Variants in UBL3 observed in about 807,000 individuals in gnomAD.
UBL3 encodes ubiquitin like 3, also known as ubiquitin-like protein 3.
In UBL3, 6 loss-of-function variants were observed where a neutral mutation model predicts 18.4. The ratio of observed to expected loss-of-function variants is 0.33; its 90% confidence interval spans 0.18 to 0.64. The LOEUF (loss-of-function observed/expected upper bound fraction) is 0.64, where lower values mean the gene tolerates loss of function less well. UBL3 is among the 30% of genes least tolerant of loss of function. The pLI is 0.76. For missense variants in UBL3, 109 were observed against 142.9 expected (o/e 0.76, Z 1.21); for synonymous variants, 49 against 46.6 (o/e 1.05, Z -0.21).
chr13:29,832,629 C>G (rs985688924), intron 1 of UBL3, among the ~76,000 whole-genome samples: 2 of 152,130 alleles, frequency 1.3e-5, no homozygotes. Context: ...TAGAAATCCC[C>G]GGGCCATCAG....
At chr13:29,848,679 ACACT>A (rs1374664348) in intron 1 of UBL3, among the ~76,000 whole-genome samples, 1 of 152,180 alleles carries the variant, frequency 6.6e-6, no homozygotes, top group African/African-American at 2.4e-5. Context: ...ATGTAACTTC[ACACT>A]CACACAAGCC....
chr13:29,796,747 A>T (rs1013467405), intron 1 of UBL3, among the ~76,000 whole-genome samples: 1 of 152,202 alleles, frequency 6.6e-6, no homozygotes, highest in Non-Finnish European at 1.5e-5. Flanking sequence ...AAACGCTGAC[A>T]ATCTTTTAGG....
chr13:29,849,670 G>T lies in UBL3; in HGVS notation c.-132C>A. ...ATGTGCTTTCTCCCCCAAAAATAAAGTTATTTTGGAGCCAAAGTGCCGGTC... is the reference window on the plus strand; with the variant it reads ...ATGTGCTTTCTCCCCCAAAAATAAATTTATTTTGGAGCCAAAGTGCCGGTC... On this transcript the variant is annotated 5_prime_UTR_variant, in exon 1 of 5. Transcript: ENST00000380680. The T allele has an allele frequency of 1.6e-6, 2 of 1,229,958 alleles. No homozygotes were observed. Among genetic ancestry groups the T allele is most frequent in the Non-Finnish European group, 2.3e-6 (2 of 866,254 alleles). 76.2% of individuals were successfully genotyped at this position (1,229,958 alleles called of 1,614,324 possible).
In UBL3 at chr13:29,764,590, C is replaced by A. The variant is rs1876615063; in HGVS notation, c.*2665G>T. ...TACTGTATTTTTCCATGGTAAAATA[C>A]AACTTATCTTGAAGAGAAAGCAAAT... is the stretch of plus-strand genomic sequence containing the variant. On this transcript the variant is annotated 3_prime_UTR_variant, in exon 5 of 5. Coordinates refer to ENST00000380680, the MANE Select transcript of UBL3 (RefSeq NM_007106.4). 6.6e-6 allele frequency: 1 copy of A among 152,156 alleles called. No homozygotes were observed. Among genetic ancestry groups the A allele is most frequent in the East Asian group, 1.9e-4 (1 of 5,188 alleles). 9.4% of individuals were successfully genotyped at this position (152,156 alleles called of 1,614,324 possible).
At chr13:29,834,788 T>C (rs1878875985) in intron 1 of UBL3, among the ~76,000 whole-genome samples, 1 of 151,826 alleles carries the variant, frequency 6.6e-6, no homozygotes, top group African/African-American at 2.4e-5. Flanking sequence ...GTTAGAAAAG[T>C]AAAAACTCCA....
At chr13:29,784,445 G>A (rs1019389337) in intron 1 of UBL3, among the ~76,000 whole-genome samples, 2 of 151,918 alleles carry the variant, frequency 1.3e-5, no homozygotes, top group African/African-American at 4.8e-5. Flanking sequence ...CTTCCTTAGG[G>A]AAAACCATCA....
At chr13:29,791,977 T>C (rs967673362) in intron 1 of UBL3, among the ~76,000 whole-genome samples, 5 of 152,228 alleles carry the variant, frequency 3.3e-5, no homozygotes, top group African/African-American at 1.2e-4. Context: ...ATTATGCGTA[T>C]GTGGCTACAG....
At chr13:29,829,477 A>ACCCTC (rs1342085170) in intron 1 of UBL3, among the ~76,000 whole-genome samples, 1 of 152,108 alleles carries the variant, frequency 6.6e-6, no homozygotes, top group Non-Finnish European at 1.5e-5. Context: ...TGGGCGTGGG[A>ACCCTC]CCCTCCAAGC....
At chr13:29,818,914 T>G (rs1316907923) in intron 1 of UBL3, among the ~76,000 whole-genome samples, 1 of 152,214 alleles carries the variant, frequency 6.6e-6, no homozygotes, top group Admixed American at 6.5e-5. Context: ...GCTTTATATC[T>G]GTGTGTTTGA....
chr13:29,770,086 C>T (rs530285315), intron 3 of UBL3, among the ~76,000 whole-genome samples: 2 of 152,134 alleles, frequency 1.3e-5, no homozygotes, highest in African/African-American at 4.8e-5. Context: ...AAGTCTAATT[C>T]ACAGGGCTAT....
chr13:29,767,073 T>A lies in UBL3; in HGVS notation c.*182A>T. ...AAATACAAGAAATAAAAAATCAGAGTGAAAAATGTTCTTGGTTCTTTTTAC... is the reference window on the plus strand; with the variant it reads ...AAATACAAGAAATAAAAAATCAGAGAGAAAAATGTTCTTGGTTCTTTTTAC... On this transcript the variant is annotated 3_prime_UTR_variant, in exon 5 of 5. Coordinates refer to ENST00000380680, the MANE Select transcript of UBL3 (RefSeq NM_007106.4). The A allele has an allele frequency of 2.0e-6, 1 of 505,366 alleles. No individual in the cohort carries two copies. Among genetic ancestry groups the A allele is most frequent in the Non-Finnish European group, 3.3e-6 (1 of 303,666 alleles). 31.3% of individuals were successfully genotyped at this position (505,366 alleles called of 1,614,324 possible).
chr13:29,849,408 T>C, intron 1 of UBL3, 104 bp downstream of exon 1: 3 of 1,536,682 alleles, frequency 2.0e-6, no homozygotes, highest in East Asian at 2.3e-5. Flanking sequence ...ACAGTGGCTT[T>C]TCGACAGTCC....
chr13:29,772,088 T>A lies in UBL3; in HGVS notation c.223+24A>T, dbSNP rs2234415. 1,456 of 1,585,574 alleles carry A rather than the reference T, an allele frequency of 9.2e-4. 15 individuals are homozygous for A. The East Asian group carries it at 0.024, about 26-fold the overall frequency. ...ATGCTACCATGAGACAGACATTAAATCCCATTACAAAGGTGGCTGTTACCT... is the reference window on the plus strand; with the variant it reads ...ATGCTACCATGAGACAGACATTAAAACCCATTACAAAGGTGGCTGTTACCT... On this transcript the variant is annotated intron_variant, in intron 3 of 4. Transcript: ENST00000380680.
intron 1 of UBL3, among the ~76,000 whole-genome samples, chr13:29,787,136 T>C (rs181141491): frequency 8.2e-4 from 125 of 152,276 alleles, no homozygotes; most frequent in African/African-American, 2.8e-3. Flanking sequence ...TGAACAGGAA[T>C]AGTTAATTAG....
intron 1 of UBL3, among the ~76,000 whole-genome samples, chr13:29,849,053 C>T (rs1879300973): frequency 6.6e-6 from 1 of 152,212 alleles, no homozygotes; most frequent in Admixed American, 6.5e-5. Flanking sequence ...AAGAGATGTG[C>T]ATCCCTGTTC....
Position 29,765,547 on chromosome 13 carries a change from C to T in UBL3, c.*1708G>A, listed in dbSNP as rs1876654090. On this transcript the variant is annotated 3_prime_UTR_variant, in exon 5 of 5. Transcript: ENST00000380680. ...AAGCTTAAGAAATGAAAGTAGAAAA[C>T]ATGAATGAGACGGTGCTTAAACAAT... 1 of 152,318 alleles carries T rather than the reference C, an allele frequency of 6.6e-6. No homozygotes were observed. Among genetic ancestry groups the T allele is most frequent in the Non-Finnish European group, 1.5e-5 (1 of 67,930 alleles). 9.4% of individuals were successfully genotyped at this position (152,318 alleles called of 1,614,324 possible). A position where few individuals can be genotyped will look rare whatever the true frequency, so the allele number is the denominator to read the frequency against.
At chr13:29,769,030 T>C (rs1309655395) in intron 3 of UBL3, among the ~76,000 whole-genome samples, 1 of 152,114 alleles carries the variant, frequency 6.6e-6, no homozygotes, top group Non-Finnish European at 1.5e-5. Flanking sequence ...TCTAAGCTTC[T>C]GTTTCCTCAA....
intron 1 of UBL3, among the ~76,000 whole-genome samples, chr13:29,814,743 G>A (rs997455980): frequency 1.3e-5 from 2 of 152,104 alleles, no homozygotes; most frequent in Non-Finnish European, 2.9e-5. Context: ...AATATGATTG[G>A]CCATGTGTGG....
chr13:29,842,449 G>A (rs780054923), intron 1 of UBL3, among the ~76,000 whole-genome samples: 7 of 151,940 alleles, frequency 4.6e-5, no homozygotes, highest in South Asian at 2.1e-4. Context: ...GTGAGCCACC[G>A]TGCCCAGCCC....
Sources: gnomAD v4.1 joint callset for allele counts (sites outside exome capture counted in the v4.1 genomes callset) on GRCh38, gnomAD v4.1.1 for gene constraint, MANE v1.5 for transcripts, NCBI Gene and HGNC (gene_info 2026-07-23, HGNC 2026-07-21) for gene names.